Variants in SAMMSON observed in about 807,000 individuals in gnomAD.
SAMMSON encodes the protein long intergenic non-protein coding RNA 1212.
chr3:70,258,630 A>G (rs1701839693), intron 6 of SAMMSON, among the ~76,000 whole-genome samples: 1 of 152,188 alleles, frequency 6.6e-6, no homozygotes, highest in Non-Finnish European at 1.5e-5. Flanking sequence ...GCTCTGACTT[A>G]GCTCTCACAC....
At chr3:70,101,952 G>C (rs899257745) in intron 4 of SAMMSON, among the ~76,000 whole-genome samples, 4 of 152,194 alleles carry the variant, frequency 2.6e-5, no homozygotes, top group Non-Finnish European at 4.4e-5. Context: ...AGGTTTGGTA[G>C]TGTTCCAATA....
intron 3 of SAMMSON, among the ~76,000 whole-genome samples, chr3:70,028,168 TTCCTTCCTTCCTTC>T (rs1411091426): frequency 6.1e-5 from 9 of 148,354 alleles, no homozygotes; most frequent in African/African-American, 1.8e-4. Context: ...CCTTCCTTCC[TTCCTTCCTTCCTTC>T]CTTCCTTTCT....
intron 4 of SAMMSON, among the ~76,000 whole-genome samples, chr3:70,232,727 T>C (rs1029632952): frequency 2.2e-4 from 33 of 152,268 alleles, no homozygotes; most frequent in African/African-American, 7.2e-4. Flanking sequence ...ACAATAATAA[T>C]GTAAATACGT....
At chr3:70,012,444 C>T (rs909811896) in exon 2 of SAMMSON, 2 of 151,880 alleles carry the variant, frequency 1.3e-5, no homozygotes, top group Non-Finnish European at 1.5e-5. Flanking sequence ...AGATACTACA[C>T]TGCGGACTTT....
At chr3:70,157,748 G>C (rs754172854) in intron 4 of SAMMSON, among the ~76,000 whole-genome samples, 3 of 152,052 alleles carry the variant, frequency 2.0e-5, no homozygotes, top group African/African-American at 4.8e-5. Flanking sequence ...TTTGCTGAAC[G>C]CATTATGAAC....
At chr3:70,345,580 C>T (rs1171182134) in intron 7 of SAMMSON, among the ~76,000 whole-genome samples, 1 of 152,120 alleles carries the variant, frequency 6.6e-6, no homozygotes, top group Non-Finnish European at 1.5e-5. Context: ...GTCATCTATT[C>T]ACCAGTACAG....
chr3:70,196,678 A>G (rs1701184721), intron 4 of SAMMSON, among the ~76,000 whole-genome samples: 7 of 152,210 alleles, frequency 4.6e-5, no homozygotes. Context: ...TTTAAGAGGT[A>G]TTTAAGATTT....
chr3:70,052,453 A>G (rs1559781465), intron 3 of SAMMSON, among the ~76,000 whole-genome samples: 1 of 152,142 alleles, frequency 6.6e-6, no homozygotes, highest in Non-Finnish European at 1.5e-5. Flanking sequence ...CACATTGTCC[A>G]CTAGATATAT....
At chr3:70,338,411 G>T (rs1702683341) in intron 7 of SAMMSON, among the ~76,000 whole-genome samples, 1 of 152,042 alleles carries the variant, frequency 6.6e-6, no homozygotes, top group South Asian at 2.1e-4. Context: ...CAGCAGGCAG[G>T]CAGGAGAAAG....
intron 7 of SAMMSON, among the ~76,000 whole-genome samples, chr3:70,344,742 T>C (rs1489679469): frequency 2.0e-5 from 3 of 152,062 alleles, no homozygotes; most frequent in African/African-American, 4.8e-5. Flanking sequence ...CCTCCTGTAA[T>C]GGGTTTGAGT....
intron 1 of SAMMSON, among the ~76,000 whole-genome samples, chr3:70,008,299 G>A (rs2066937411): frequency 6.6e-6 from 1 of 152,264 alleles, no homozygotes; most frequent in East Asian, 1.9e-4. Flanking sequence ...TCGTCCATTT[G>A]TTTGTATCCT....
intron 7 of SAMMSON, among the ~76,000 whole-genome samples, chr3:70,318,796 T>C (rs1307573159): frequency 6.6e-6 from 1 of 152,054 alleles, no homozygotes; most frequent in Non-Finnish European, 1.5e-5. Flanking sequence ...AAATTACTGG[T>C]ATAACCTTTT....
At chr3:70,040,680 G>T (rs1369471386) in intron 3 of SAMMSON, among the ~76,000 whole-genome samples, 1 of 152,114 alleles carries the variant, frequency 6.6e-6, no homozygotes, top group Non-Finnish European at 1.5e-5. Context: ...CCAGGTGGGA[G>T]GGGCACTTGG....
At chr3:70,108,542 T>C (rs2067376596) in intron 4 of SAMMSON, among the ~76,000 whole-genome samples, 1 of 151,444 alleles carries the variant, frequency 6.6e-6, no homozygotes, top group African/African-American at 2.4e-5. Flanking sequence ...TGAATGTTTG[T>C]GTTCCCCTCC....
At chr3:70,277,066 G>A (rs1223868554) in intron 6 of SAMMSON, among the ~76,000 whole-genome samples, 70 of 152,180 alleles carry the variant, frequency 4.6e-4, no homozygotes, top group Non-Finnish European at 1.5e-5. Context: ...AGTGAAATCA[G>A]AATTATTGAG....
intron 3 of SAMMSON, among the ~76,000 whole-genome samples, chr3:70,041,389 T>C (rs2067105831): frequency 6.6e-6 from 1 of 152,138 alleles, no homozygotes; most frequent in Non-Finnish European, 1.5e-5. Flanking sequence ...AATTTAATTA[T>C]TGCTTTAGTT....
At chr3:70,038,544 T>C (rs984018658) in intron 3 of SAMMSON, among the ~76,000 whole-genome samples, 1 of 152,154 alleles carries the variant, frequency 6.6e-6, no homozygotes, top group Non-Finnish European at 1.5e-5. Context: ...CTAAATGTAC[T>C]AAGACTAGTA....
chr3:70,312,209 C>G (rs2106710917), intron 7 of SAMMSON, among the ~76,000 whole-genome samples: 1 of 152,276 alleles, frequency 6.6e-6, no homozygotes, highest in South Asian at 2.1e-4. Flanking sequence ...AAGATTGTTA[C>G]AAGACCTTAC....
At chr3:70,064,802 T>G (rs1035581470) in intron 3 of SAMMSON, among the ~76,000 whole-genome samples, 1 of 152,094 alleles carries the variant, frequency 6.6e-6, no homozygotes, top group African/African-American at 2.4e-5. Context: ...CAAGTCAATA[T>G]GTCTTACTGG....
Sources: gnomAD v4.1 joint callset for allele counts (sites outside exome capture counted in the v4.1 genomes callset) on GRCh38, gnomAD v4.1.1 for gene constraint, MANE v1.5 for transcripts, NCBI Gene and HGNC (gene_info 2026-07-23, HGNC 2026-07-21) for gene names.